Variants in GRK5 observed in about 807,000 individuals in gnomAD.
GRK5 encodes the protein g protein-coupled receptor kinase GRK5.
GRK5 carries 40 observed loss-of-function variants against 78.4 expected under a neutral mutation model. The observed-to-expected ratio is 0.51, with a 90% CI of 0.40 to 0.66. The LOEUF is 0.66. Among genes scored for constraint, GRK5 ranks in the 30% least tolerant of loss-of-function variants. The probability of loss-of-function intolerance (pLI) is 0.00; values close to 1 mark genes in which losing one functional copy is unlikely to be tolerated. For synonymous variants in GRK5, 289 were observed against 296.8 expected, an observed-to-expected ratio of 0.97 and a Z score of 0.27; for missense variants, 598 against 759.9, an observed-to-expected ratio of 0.79 and a Z score of 2.50.
intron 1 of GRK5, among the ~76,000 whole-genome samples, chr10:119,307,418 G>T (rs1257538871): frequency 6.6e-6 from 1 of 152,152 alleles, no homozygotes; most frequent in African/African-American, 2.4e-5. Flanking sequence ...GTTATCCAGG[G>T]ATATCAGGTG....
intron 3 of GRK5, among the ~76,000 whole-genome samples, chr10:119,392,810 T>A (rs76496400): frequency 0.042 from 6,353 of 152,224 alleles, 190 homozygotes; most frequent in African/African-American, 0.079. Flanking sequence ...CAGATGGAGG[T>A]CACGAGGGCA....
chr10:119,317,314 G>GC (rs1292163305), intron 1 of GRK5, among the ~76,000 whole-genome samples: 1 of 151,954 alleles, frequency 6.6e-6, no homozygotes, highest in East Asian at 1.9e-4. Flanking sequence ...AGGTCCAAGG[G>GC]TCACCAGAAG....
At chr10:119,209,275 G>C (rs946939905) in intron 1 of GRK5, among the ~76,000 whole-genome samples, 1 of 152,106 alleles carries the variant, frequency 6.6e-6, no homozygotes, top group East Asian at 1.9e-4. Context: ...TCTTACTTTC[G>C]TCGTCACTTG....
Position 119,217,524 on chromosome 10 carries a change from C to T in GRK5, c.52+9555C>T, listed in dbSNP as rs1050463460. Among the ~76,000 whole-genome samples, 1 of 152,224 alleles carries T rather than the reference C, an allele frequency of 6.6e-6. No homozygotes were observed. The highest frequency in any genetic ancestry group is 1.5e-5 in the Non-Finnish European group (1 of 68,036). ...GCCTGGGCCCCTCCTACCAACACATCGGACAAGCGAGGCCAGCCTCTTGCG... is the reference window on the plus strand; with the variant it reads ...GCCTGGGCCCCTCCTACCAACACATTGGACAAGCGAGGCCAGCCTCTTGCG... On this transcript the variant is annotated intron_variant, in intron 1 of 15. Coordinates refer to ENST00000392870, the MANE Select transcript of GRK5 (RefSeq NM_005308.3). The surrounding 1 kb of genome is among the most constrained non-coding windows in gnomAD (Gnocchi z 4.1).
chr10:119,360,384 G>A (rs948514272), intron 2 of GRK5, among the ~76,000 whole-genome samples: 1 of 152,226 alleles, frequency 6.6e-6, no homozygotes, highest in Non-Finnish European at 1.5e-5. Flanking sequence ...GCGCTTAGTG[G>A]GTGGCTTCTC....
intron 1 of GRK5, among the ~76,000 whole-genome samples, chr10:119,241,186 G>A (rs572778049): frequency 2.6e-5 from 4 of 152,296 alleles, no homozygotes; most frequent in South Asian, 2.1e-4. Flanking sequence ...CGTCTGTGAC[G>A]TGGGCAGGGT....
In GRK5 at chr10:119,290,367, A is replaced by AAAAAAAAAAC. The variant is rs1554903196; in HGVS notation, c.53-36146_53-36145insAAAAAACAAA. Among the ~76,000 whole-genome samples, 17 of 137,588 alleles carry AAAAAAAAAAC rather than the reference A, an allele frequency of 1.2e-4. 1 individual carries two copies. The highest frequency in any genetic ancestry group is 2.5e-4 in the South Asian group (1 of 4,054). 90.3% of individuals were successfully genotyped at this position (137,588 alleles called of 152,430 possible). A position where few individuals can be genotyped will look rare whatever the true frequency, so the allele number is the denominator to read the frequency against. ...GTCTCAAAAAAAAAAAAAAAAACAAAAAACAACTCTGTCCCCTTCTCCCTG... is the reference window on the plus strand; with the variant it reads ...GTCTCAAAAAAAAAAAAAAAAACAAAAAAAAAAAACAAACAACTCTGTCCCCTTCTCCCTG... On this transcript the variant is annotated intron_variant, in intron 1 of 15. Transcript: ENST00000392870.
intron 1 of GRK5, among the ~76,000 whole-genome samples, chr10:119,254,756 A>G (rs1849253744): frequency 6.6e-6 from 1 of 152,144 alleles, no homozygotes; most frequent in East Asian, 1.9e-4. Flanking sequence ...ATTTTGTAAG[A>G]AAAAAATGGA....
Position 119,418,327 on chromosome 10 carries a change from T to C in GRK5, c.340-4839T>C, listed in dbSNP as rs546395760. Among the ~76,000 whole-genome samples the C allele has an allele frequency of 5.9e-5, 9 of 151,772 alleles. No individual in the cohort carries two copies. In the East Asian group the frequency reaches 1.6e-3, roughly 26 times the overall value. On this transcript the variant is annotated intron_variant, in intron 4 of 15. Coordinates refer to ENST00000392870, the MANE Select transcript of GRK5 (RefSeq NM_005308.3). Reference sequence around the variant, plus strand: ...TTCAGGGGGGACCAGAAGGGGAGAGTCCTTCACCAAAGAAGTGGGTGGGGA... The same window carrying C: ...TTCAGGGGGGACCAGAAGGGGAGAGCCCTTCACCAAAGAAGTGGGTGGGGA...
Position 119,207,829 on chromosome 10 carries a change from C to A in GRK5, c.-89C>A. On this transcript the variant is annotated 5_prime_UTR_variant, in exon 1 of 16. Coordinates refer to ENST00000392870, the MANE Select transcript of GRK5 (RefSeq NM_005308.3). Reference sequence around the variant, plus strand: ...GCTCCCCCGGCTCCGGCAGCAGCGGCGGCAGCCCGAGCAGCGGCAGCAGCA... The same window carrying A: ...GCTCCCCCGGCTCCGGCAGCAGCGGAGGCAGCCCGAGCAGCGGCAGCAGCA... 7.8e-7 allele frequency: 1 copy of A among 1,286,850 alleles called. No individual in the cohort carries two copies. The highest frequency in any genetic ancestry group is 1.1e-6 in the Non-Finnish European group (1 of 935,254). 79.7% of individuals were successfully genotyped at this position (1,286,850 alleles called of 1,614,324 possible). A position where few individuals can be genotyped will look rare whatever the true frequency, so the allele number is the denominator to read the frequency against.
chr10:119,234,595 A>G (rs1848887481), intron 1 of GRK5, among the ~76,000 whole-genome samples: 1 of 151,978 alleles, frequency 6.6e-6, no homozygotes, highest in Non-Finnish European at 1.5e-5. Context: ...TGATAACTGT[A>G]ATTTTTTCTT....
intron 14 of GRK5, 120 bp from the exon 15 acceptor site, chr10:119,453,025 C>A: frequency 2.3e-6 from 2 of 866,646 alleles, no homozygotes; most frequent in East Asian, 2.4e-5. Context: ...CCCCTGAGAC[C>A]TGGAGGGCGT....
In GRK5 at chr10:119,457,593, C is replaced by T. The variant is rs1345920303; in HGVS notation, c.*2526C>T. The stretch of plus-strand genomic sequence containing the variant: ...AAGAGAAAGGAAGTCTTTAGAACAG[C>T]GCCTGGGAATCAGCCCTTCTCCCTA... On this transcript the variant is annotated 3_prime_UTR_variant, in exon 16 of 16. Coordinates refer to ENST00000392870, the MANE Select transcript of GRK5 (RefSeq NM_005308.3). 4 of 151,878 alleles carry T rather than the reference C, an allele frequency of 2.6e-5. No individual in the cohort carries two copies. The highest frequency in any genetic ancestry group is 2.9e-5 in the Non-Finnish European group (2 of 68,012). The allele number at this position is 151,878 out of a possible 1,614,324, so 9.4% of individuals were successfully genotyped here.
At position 119,295,917 on chromosome 10, in the gene GRK5, G is replaced by T. The variant is rs11198867; in HGVS notation, c.53-30599G>T. Among the ~76,000 whole-genome samples the T allele has an allele frequency of 3.6e-3, 553 of 152,042 alleles. 5 individuals carry two copies. The highest frequency in any genetic ancestry group is 4.1e-3 in the Non-Finnish European group (278 of 68,004). On this transcript the variant is annotated intron_variant, in intron 1 of 15. Coordinates refer to ENST00000392870, the MANE Select transcript of GRK5 (RefSeq NM_005308.3). Reference sequence around the variant, plus strand: ...ACTAAAGAACTTACTCATACCACCTGTACCCCAATAACTTATGGGAAAAAT... The same window carrying T: ...ACTAAAGAACTTACTCATACCACCTTTACCCCAATAACTTATGGGAAAAAT...
At chr10:119,396,048 T>C (rs2133853432) in intron 3 of GRK5, among the ~76,000 whole-genome samples, 1 of 152,328 alleles carries the variant, frequency 6.6e-6, no homozygotes, top group Non-Finnish European at 1.5e-5. Flanking sequence ...ATCCACATTA[T>C]TGTTTATCCT....
chr10:119,353,226 G>C (rs778878121), intron 2 of GRK5, among the ~76,000 whole-genome samples: 4 of 152,140 alleles, frequency 2.6e-5, no homozygotes, highest in Non-Finnish European at 5.9e-5. Context: ...TGAAATGGGA[G>C]CCAGGGGTGG....
intron 3 of GRK5, among the ~76,000 whole-genome samples, chr10:119,383,800 C>T (rs74157668): frequency 0.071 from 10,759 of 152,208 alleles, 561 homozygotes; most frequent in African/African-American, 0.15. Context: ...GTTCTGGGCT[C>T]ATCTTGTACT....
At chr10:119,275,631 A>G (rs1333456034) in intron 1 of GRK5, among the ~76,000 whole-genome samples, 1 of 151,754 alleles carries the variant, frequency 6.6e-6, no homozygotes, top group African/African-American at 2.4e-5. Flanking sequence ...ACACACACAC[A>G]CACACACACA....
At chr10:119,295,242 G>A (rs910817077) in intron 1 of GRK5, among the ~76,000 whole-genome samples, 1 of 150,184 alleles carries the variant, frequency 6.7e-6, no homozygotes, top group Admixed American at 6.6e-5. Flanking sequence ...CAGATCACAG[G>A]CATCTTAAGG....
Sources: allele counts gnomAD v4.1 joint callset (sites outside exome capture counted in the v4.1 genomes callset), GRCh38; gene constraint gnomAD v4.1.1; non-coding constraint Gnocchi (gnomAD v3.1); transcripts MANE v1.5; gene names NCBI Gene and HGNC (gene_info 2026-07-23, HGNC 2026-07-21).